SORCS3: variants seen among roughly 807,000 people sequenced by gnomAD.
The protein encoded by SORCS3 is sortilin related VPS10 domain containing receptor 3.
SORCS3 carries 57 observed loss-of-function variants against 146.3 expected under a neutral mutation model. The ratio of observed to expected loss-of-function variants is 0.39; its 90% CI spans 0.31 to 0.49. The LOEUF is 0.49. Ranked by LOEUF, SORCS3 falls within the 20% of genes least tolerant of loss-of-function variation. The probability of loss-of-function intolerance (pLI) is 0.92; values close to 1 mark genes in which losing one functional copy is unlikely to be tolerated. For synonymous variants in SORCS3, 653 were observed against 618.5 expected, an observed-to-expected ratio of 1.06 and a Z score of -0.83; for missense variants, 1,341 against 1,575.5, an observed-to-expected ratio of 0.85 and a Z score of 2.52.
intron 1 of SORCS3, among the ~76,000 whole-genome samples, chr10:104,797,185 A>G (rs2133505334): frequency 6.6e-6 from 1 of 152,304 alleles, no homozygotes; most frequent in South Asian, 2.1e-4. Context: ...ACAATGCAAG[A>G]CTCGGGGCTA....
At chr10:104,830,902 C>T (rs2017993472) in intron 1 of SORCS3, among the ~76,000 whole-genome samples, 1 of 152,146 alleles carries the variant, frequency 6.6e-6, no homozygotes, top group African/African-American at 2.4e-5. Flanking sequence ...GCCTTGACCT[C>T]CTGGGCTCAA....
At chr10:105,142,211 T>C (rs11192337) in intron 8 of SORCS3, among the ~76,000 whole-genome samples, 13,035 of 152,252 alleles carry the variant, frequency 0.086, 696 homozygotes, top group Admixed American at 0.16. Flanking sequence ...AATATTTTTG[T>C]TTCTTTCTGT....
At chr10:105,112,356 A>G (rs1258662318) in intron 7 of SORCS3, among the ~76,000 whole-genome samples, 5 of 152,110 alleles carry the variant, frequency 3.3e-5, no homozygotes, top group African/African-American at 1.2e-4. Context: ...GATGATTAGG[A>G]CGGGCTTTAT....
At chr10:105,111,122 G>A (rs2055856282) in intron 7 of SORCS3, among the ~76,000 whole-genome samples, 1 of 152,082 alleles carries the variant, frequency 6.6e-6, no homozygotes, top group Non-Finnish European at 1.5e-5. Flanking sequence ...AACCTCTTTA[G>A]TCTCCATGCA....
chr10:105,208,116 C>T lies in SORCS3; in HGVS notation c.2262-3021C>T, dbSNP rs138799861. On this transcript the variant is annotated intron_variant, in intron 16 of 26. Coordinates refer to ENST00000369701, the MANE Select transcript of SORCS3 (RefSeq NM_014978.3). ...CAGTACTTTGGGAGGCTGAGGTGGG[C>T]AGATCACTTGAGGTCAGGAGTTTGA... Among the ~76,000 whole-genome samples the T allele has an allele frequency of 3.2e-3, 494 of 152,142 alleles. 4 individuals carry two copies. Among genetic ancestry groups the T allele is most frequent in the African/African-American group, 0.011 (459 of 41,510 alleles).
intron 22 of SORCS3, among the ~76,000 whole-genome samples, chr10:105,249,213 G>T (rs985365275): frequency 1.3e-5 from 2 of 152,184 alleles, no homozygotes; most frequent in Non-Finnish European, 2.9e-5. Flanking sequence ...GGAGAAACAC[G>T]CTTGGGAAAC....
intron 5 of SORCS3, among the ~76,000 whole-genome samples, chr10:105,079,238 A>G (rs2055608001): frequency 6.6e-6 from 1 of 152,216 alleles, no homozygotes; most frequent in Non-Finnish European, 1.5e-5. Flanking sequence ...TGAGAGGACT[A>G]TTGCTCCAGA....
chr10:104,643,729 T>C (rs2015457775), intron 1 of SORCS3, among the ~76,000 whole-genome samples: 1 of 151,834 alleles, frequency 6.6e-6, no homozygotes, highest in East Asian at 1.9e-4. Flanking sequence ...TGTGTGTGTG[T>C]GTGTGTGTGT....
At chr10:104,698,205 C>T (rs540066189) in intron 1 of SORCS3, among the ~76,000 whole-genome samples, 1 of 152,216 alleles carries the variant, frequency 6.6e-6, no homozygotes, top group South Asian at 2.1e-4. Flanking sequence ...CAGGCATTCC[C>T]AGCCCCATTT....
At chr10:105,163,677 G>GC (rs2056285886) in intron 11 of SORCS3, among the ~76,000 whole-genome samples, 1 of 152,140 alleles carries the variant, frequency 6.6e-6, no homozygotes, top group Non-Finnish European at 1.5e-5. Flanking sequence ...GATGGAAGCA[G>GC]CAAGTATGGT....
At chr10:104,648,474 T>A (rs2133236874) in intron 1 of SORCS3, among the ~76,000 whole-genome samples, 1 of 152,304 alleles carries the variant, frequency 6.6e-6, no homozygotes, top group Non-Finnish European at 1.5e-5. Flanking sequence ...ATGGGTATCG[T>A]ATGAGGCTAG....
chr10:104,897,078 G>A (rs766021949), intron 2 of SORCS3, among the ~76,000 whole-genome samples: 35 of 152,134 alleles, frequency 2.3e-4, no homozygotes, highest in Non-Finnish European at 3.7e-4. Flanking sequence ...TTAGGGGCAG[G>A]TCAGTTCATT....
chr10:105,242,373 CATATATTTAT>C (rs1309349329), intron 20 of SORCS3, among the ~76,000 whole-genome samples: 4 of 83,734 alleles, frequency 4.8e-5, no homozygotes, highest in Non-Finnish European at 9.1e-5. Context: ...TATATTTATA[CATATATTTAT>C]ATATATTTAT....
intron 1 of SORCS3, among the ~76,000 whole-genome samples, chr10:104,761,410 G>A (rs1769447253): frequency 6.6e-6 from 1 of 152,098 alleles, no homozygotes; most frequent in Non-Finnish European, 1.5e-5. Flanking sequence ...AGAGAGAAGA[G>A]GCAAGAAAAT....
rs1254710853 is a variant in SORCS3, at chr10:104,846,155, G to A, written c.695+3296G>A. On this transcript the variant is annotated intron_variant, in intron 2 of 26. Coordinates refer to ENST00000369701, the MANE Select transcript of SORCS3 (RefSeq NM_014978.3). ...TGGACCTGATAAAGCCCCAGCTTAG[G>A]AGCCACTGGATAGAGTGTGACTGAG... 2.6e-5 allele frequency among the ~76,000 whole-genome samples: 4 copies of A among 152,138 alleles called. No homozygotes were observed. In the East Asian group the frequency reaches 7.7e-4, roughly 29 times the overall value.
At chr10:105,167,426 C>A in intron 13 of SORCS3, 77 bp downstream of exon 13, 2 of 1,074,186 alleles carry the variant, frequency 1.9e-6, no homozygotes, top group Non-Finnish European at 2.8e-6. Flanking sequence ...AGTTATTCTG[C>A]ATGGTTTTGT....
intron 7 of SORCS3, among the ~76,000 whole-genome samples, chr10:105,125,858 G>C (rs542161407): frequency 6.6e-6 from 1 of 152,088 alleles, no homozygotes; most frequent in African/African-American, 2.4e-5. Context: ...ACCTCACATC[G>C]TGAGTGTGGC....
intron 1 of SORCS3, among the ~76,000 whole-genome samples, chr10:104,683,597 G>A (rs1007077793): frequency 6.6e-6 from 1 of 152,140 alleles, no homozygotes; most frequent in Non-Finnish European, 1.5e-5. Context: ...GATGCTGTGG[G>A]TAATTTTTAG....
chr10:105,010,162 C>T (rs2133680422), intron 4 of SORCS3, among the ~76,000 whole-genome samples: 1 of 152,264 alleles, frequency 6.6e-6, no homozygotes, highest in East Asian at 1.9e-4. Context: ...CTGTGAGTCT[C>T]AGTTGAGGTA....
Sources: allele counts gnomAD v4.1 joint callset (sites outside exome capture counted in the v4.1 genomes callset), GRCh38; gene constraint gnomAD v4.1.1; transcripts MANE v1.5; gene names NCBI Gene and HGNC (gene_info 2026-07-23, HGNC 2026-07-21).